Variants in PREX2 observed in about 807,000 individuals in gnomAD.
PREX2 encodes the protein phosphatidylinositol-3,4,5-trisphosphate dependent Rac exchange factor 2, also known as phosphatidylinositol 3,4,5-trisphosphate-dependent Rac exchanger 2 protein.
Under a neutral mutation model 203.2 loss-of-function variants are expected in PREX2, and 107 were observed. That is an observed-to-expected ratio of 0.53 (90% CI 0.45 to 0.62). The LOEUF (loss-of-function observed/expected upper bound fraction) is 0.62, where lower values mean the gene tolerates loss of function less well. Ranked by LOEUF, PREX2 falls within the 20% of genes least tolerant of loss-of-function variation. PREX2 has a pLI of 0.00. For missense variants in PREX2, 1,777 were observed against 1,955.9 expected (o/e 0.91, Z 1.72); for synonymous variants, 672 against 663.6 (o/e 1.01, Z -0.19).
chr8:67,978,331 A>G (rs923029322), intron 1 of PREX2, among the ~76,000 whole-genome samples: 2 of 152,162 alleles, frequency 1.3e-5, no homozygotes, highest in Non-Finnish European at 2.9e-5. Context: ...AAGGGACAGA[A>G]TATTGCCAGC....
intron 32 of PREX2, among the ~76,000 whole-genome samples, chr8:68,137,925 A>G (rs1278516386): frequency 6.6e-6 from 1 of 152,266 alleles, no homozygotes; most frequent in Non-Finnish European, 1.5e-5. Context: ...ATAATCACAC[A>G]TTAAAATTGA....
intron 33 of PREX2, among the ~76,000 whole-genome samples, chr8:68,145,973 A>C (rs1463267239): frequency 1.3e-5 from 2 of 152,044 alleles, no homozygotes; most frequent in African/African-American, 4.8e-5. Flanking sequence ...AGTGTAACAA[A>C]GTTTCCTATT....
intron 4 of PREX2, among the ~76,000 whole-genome samples, chr8:68,026,144 G>A (rs1330861343): frequency 6.6e-6 from 1 of 152,128 alleles, no homozygotes; most frequent in Admixed American, 6.5e-5. Context: ...GCATGCATTT[G>A]CTGCTATGCT....
At chr8:67,994,492 T>C (rs1160101080) in intron 1 of PREX2, among the ~76,000 whole-genome samples, 1 of 152,208 alleles carries the variant, frequency 6.6e-6, no homozygotes, top group Non-Finnish European at 1.5e-5. Flanking sequence ...TGTTAAATCT[T>C]AAATAGATTC....
At chr8:68,035,999 G>C (rs1808017577) in intron 6 of PREX2, among the ~76,000 whole-genome samples, 1 of 152,170 alleles carries the variant, frequency 6.6e-6, no homozygotes, top group South Asian at 2.1e-4. Flanking sequence ...TAAACTGATG[G>C]TTTGGGTTGC....
intron 34 of PREX2, among the ~76,000 whole-genome samples, chr8:68,149,345 A>G (rs1026329834): frequency 1.3e-5 from 2 of 152,238 alleles, no homozygotes; most frequent in Non-Finnish European, 2.9e-5. Flanking sequence ...GAAGGCAAGA[A>G]CTGCGGAAGA....
intron 1 of PREX2, among the ~76,000 whole-genome samples, chr8:67,996,569 T>C (rs1393948991): frequency 6.6e-6 from 1 of 152,182 alleles, no homozygotes; most frequent in Non-Finnish European, 1.5e-5. Flanking sequence ...ATTGTAGATA[T>C]TGCTTCCCTG....
chr8:68,051,948 T>C (rs776282195), intron 8 of PREX2, among the ~76,000 whole-genome samples: 4 of 152,104 alleles, frequency 2.6e-5, no homozygotes, highest in Non-Finnish European at 5.9e-5. Flanking sequence ...TGATAATGGA[T>C]TTGTGGTATT....
chr8:68,229,100 G>T (rs932565085), intron 39 of PREX2, among the ~76,000 whole-genome samples: 1 of 152,052 alleles, frequency 6.6e-6, no homozygotes, highest in Non-Finnish European at 1.5e-5. Flanking sequence ...CTTGAAAGAG[G>T]CGTTTACTTT....
intron 25 of PREX2, chr8:68,110,948 A>G (rs562495638): frequency 1.4e-5 from 6 of 434,592 alleles, no homozygotes; most frequent in Admixed American, 7.6e-5. Flanking sequence ...TAAACCGTTC[A>G]AGATTGCTAA....
intron 35 of PREX2, among the ~76,000 whole-genome samples, chr8:68,180,042 A>G (rs1172999617): frequency 6.6e-6 from 1 of 151,840 alleles, no homozygotes; most frequent in African/African-American, 2.4e-5. Flanking sequence ...TCTTTCATCA[A>G]TTGTTTCCTT....
chr8:67,968,322 A>G lies in PREX2; in HGVS notation c.141+15787A>G, dbSNP rs73256052. 9.0e-3 allele frequency among the ~76,000 whole-genome samples: 1,372 copies of G among 152,276 alleles called. 27 individuals carry two copies. Among genetic ancestry groups the G allele is most frequent in the African/African-American group, 0.031 (1,277 of 41,556 alleles). On this transcript the variant is annotated intron_variant, in intron 1 of 39. Coordinates refer to ENST00000288368, the MANE Select transcript of PREX2 (RefSeq NM_024870.4). ...GTCGGCTCTTGACTAAATTGTTAATAGAATCTGGGAGCTCGGATTCTGGTG... is the reference window on the plus strand; with the variant it reads ...GTCGGCTCTTGACTAAATTGTTAATGGAATCTGGGAGCTCGGATTCTGGTG...
chr8:68,127,738 T>A (rs1810923551), intron 31 of PREX2, among the ~76,000 whole-genome samples: 1 of 152,050 alleles, frequency 6.6e-6, no homozygotes, highest in South Asian at 2.1e-4. Context: ...TAAAGTTAAT[T>A]GTGTCTAAAT....
chr8:68,031,378 A>G (rs1284166853), intron 6 of PREX2, among the ~76,000 whole-genome samples: 1 of 152,194 alleles, frequency 6.6e-6, no homozygotes, highest in Non-Finnish European at 1.5e-5. Flanking sequence ...TTCTTTTTAT[A>G]AAGTAAGCAA....
chr8:68,112,949 A>T (rs1810563616), intron 25 of PREX2, among the ~76,000 whole-genome samples: 1 of 152,214 alleles, frequency 6.6e-6, no homozygotes, highest in Admixed American at 6.5e-5. Flanking sequence ...CACACAGGTC[A>T]TTGCAACATA....
chr8:68,192,296 AACATGTTGAACTTG>A, intron 36 of PREX2, 25 bp from the exon 37 acceptor site: 1 of 1,508,644 alleles, frequency 6.6e-7, no homozygotes, highest in African/African-American at 1.4e-5. Context: ...AATTTTACTA[AACATGTTGAACTTG>A]ACGTTCATCA....
At chr8:68,069,796 T>A (rs1182316281) in intron 12 of PREX2, 39 bp from the exon 13 acceptor site, 1 of 1,007,688 alleles carries the variant, frequency 9.9e-7, no homozygotes, top group Admixed American at 1.9e-5. Context: ...GTCCCTTGGG[T>A]AATCTCACTT....
At chr8:68,050,165 A>G (rs1162949112) in intron 8 of PREX2, among the ~76,000 whole-genome samples, 1 of 152,194 alleles carries the variant, frequency 6.6e-6, no homozygotes, top group Non-Finnish European at 1.5e-5. Context: ...TTCATTTAAA[A>G]TTATTTGACA....
intron 5 of PREX2, among the ~76,000 whole-genome samples, chr8:68,029,235 G>T (rs2129610469): frequency 6.6e-6 from 1 of 152,224 alleles, no homozygotes; most frequent in Non-Finnish European, 1.5e-5. Flanking sequence ...ATGGCCAAGG[G>T]ATTGTGAGTG....
Sources: gnomAD v4.1 joint callset for allele counts (sites outside exome capture counted in the v4.1 genomes callset) on GRCh38, gnomAD v4.1.1 for gene constraint, MANE v1.5 for transcripts, NCBI Gene and HGNC (gene_info 2026-07-23, HGNC 2026-07-21) for gene names.